Variants in CD4 observed in about 807,000 individuals in gnomAD.
CD4 encodes the protein T-cell surface glycoprotein CD4.
Under a neutral mutation model 50.5 loss-of-function variants are expected in CD4, and 25 were observed. That is an observed-to-expected ratio of 0.49 (90% CI 0.36 to 0.69). The LOEUF is 0.69. Among genes scored for constraint, CD4 ranks in the 30% least tolerant of loss-of-function variants. The pLI, the probability that CD4 is intolerant of heterozygous loss-of-function variation, is 0.00. For synonymous variants in CD4, 207 were observed against 221.9 expected, an observed-to-expected ratio of 0.93 and a Z score of 0.60; for missense variants, 456 against 548.5, an observed-to-expected ratio of 0.83 and a Z score of 1.68.
At position 6,818,744 on chromosome 12, in the gene CD4, T is replaced by C. The variant is rs1555118526; in HGVS notation, c.1279-103T>C. The C allele has an allele frequency of 8.1e-7, 1 of 1,227,250 alleles. No homozygotes were observed. The highest frequency in any genetic ancestry group is 1.2e-6 in the Non-Finnish European group (1 of 830,956). 76.0% of individuals were successfully genotyped at this position (1,227,250 alleles called of 1,614,324 possible). On this transcript the variant is annotated intron_variant, in intron 8 of 9. Transcript: ENST00000011653. The surrounding 1 kb of genome is among the most constrained non-coding windows in gnomAD (Gnocchi z 5.0). Reference sequence around the variant, plus strand: ...TCCAGGATAGATGGCCTGGGCCATGTAACTGCTTCTCCTGTCGCAGCTTCC... The same window carrying C: ...TCCAGGATAGATGGCCTGGGCCATGCAACTGCTTCTCCTGTCGCAGCTTCC...
At chr12:6,804,014 G>A (rs1942646728) in intron 3 of CD4, among the ~76,000 whole-genome samples, 1 of 151,516 alleles carries the variant, frequency 6.6e-6, no homozygotes, top group South Asian at 2.1e-4. Context: ...GGGAGGCTGA[G>A]GCAGGAGAAT....
intron 5 of CD4, 131 bp downstream of exon 5, chr12:6,815,123 A>T: frequency 1.5e-6 from 1 of 681,634 alleles, no homozygotes; most frequent in Non-Finnish European, 2.6e-6. Flanking sequence ...GGTCCCCTAG[A>T]GCTGAGGCCT....
At chr12:6,796,059 G>T (rs1033072112) in intron 1 of CD4, among the ~76,000 whole-genome samples, 1 of 152,190 alleles carries the variant, frequency 6.6e-6, no homozygotes, top group Non-Finnish European at 1.5e-5. Flanking sequence ...GGTGAATAGA[G>T]AAAGAAGAAA....
At chr12:6,805,709 A>G (rs977763292) in intron 3 of CD4, among the ~76,000 whole-genome samples, 1 of 152,212 alleles carries the variant, frequency 6.6e-6, no homozygotes, top group Non-Finnish European at 1.5e-5. Context: ...CATAAGAAAG[A>G]TATCAATTTT....
intron 4 of CD4, 71 bp downstream of exon 4, chr12:6,814,371 C>A (rs1555117546): frequency 4.0e-6 from 6 of 1,498,154 alleles, no homozygotes; most frequent in Non-Finnish European, 5.4e-6. Context: ...ACCCCTGCAC[C>A]AAATCCAGCC....
chr12:6,817,453 T>G lies in CD4; in HGVS notation c.1156+123T>G, dbSNP rs782519691. 4 of 808,264 alleles carry G rather than the reference T, an allele frequency of 4.9e-6. No homozygotes were observed. The Admixed American group carries it at 9.5e-5, about 19-fold the overall frequency. 50.1% of individuals were successfully genotyped at this position (808,264 alleles called of 1,614,324 possible). A position where few individuals can be genotyped will look rare whatever the true frequency, so the allele number is the denominator to read the frequency against. On this transcript the variant is annotated intron_variant, in intron 7 of 9. Transcript: ENST00000011653. ...TTGGGGGGTTATGGGTATGGTGTCC[T>G]CTGTGGTCCCAGGGTGCTTTGGAGG...
chr12:6,812,049 G>A (rs886732728), intron 3 of CD4, among the ~76,000 whole-genome samples: 8 of 151,968 alleles, frequency 5.3e-5, no homozygotes, highest in Non-Finnish European at 7.4e-5. Flanking sequence ...GACTCCTGAC[G>A]GGCTGCATTT....
rs143817492 is a variant in CD4 at position 6,794,599 on chromosome 12, C to T, written c.-68+4937C>T. On this transcript the variant is annotated intron_variant, in intron 1 of 9. Coordinates refer to ENST00000011653, the MANE Select transcript of CD4 (RefSeq NM_000616.5). ...GTTGGCCAGGCTGGTCTCGTACTCCCGACCTCAGGTGATCCACTTGCCTTG... is the reference window on the plus strand; with the variant it reads ...GTTGGCCAGGCTGGTCTCGTACTCCTGACCTCAGGTGATCCACTTGCCTTG... Among the ~76,000 whole-genome samples, 79 of 151,606 alleles carry T rather than the reference C, an allele frequency of 5.2e-4. 1 individual carries two copies. In the East Asian group the frequency reaches 0.014, roughly 26 times the overall value.
At chr12:6,817,720 GCA>G (rs1943119733) in intron 7 of CD4, among the ~76,000 whole-genome samples, 1 of 144,804 alleles carries the variant, frequency 6.9e-6, no homozygotes, top group Non-Finnish European at 1.5e-5. Flanking sequence ...TCTCACACAC[GCA>G]CACACATCAC....
chr12:6,794,826 C>T (rs1430279644), intron 1 of CD4, among the ~76,000 whole-genome samples: 6 of 121,532 alleles, frequency 4.9e-5, no homozygotes, highest in Admixed American at 9.0e-5. Context: ...GCTCTGTCGC[C>T]GAGGCTGGAG....
At chr12:6,805,390 C>T (rs1220000476) in intron 3 of CD4, among the ~76,000 whole-genome samples, 4 of 151,350 alleles carry the variant, frequency 2.6e-5, no homozygotes, top group Non-Finnish European at 5.9e-5. Flanking sequence ...TGGTGAAACC[C>T]CGTCTCTACT....
chr12:6,791,654 G>A (rs1216137947), intron 1 of CD4, among the ~76,000 whole-genome samples: 1 of 152,220 alleles, frequency 6.6e-6, no homozygotes. Context: ...GCCGAGGCAG[G>A]AGGATGGCTT....
chr12:6,805,615 C>T (rs1166226567), intron 3 of CD4, among the ~76,000 whole-genome samples: 3 of 150,820 alleles, frequency 2.0e-5, no homozygotes, highest in African/African-American at 4.9e-5. Flanking sequence ...AAAAACTACA[C>T]GATGCTGATT....
intron 1 of CD4, among the ~76,000 whole-genome samples, chr12:6,798,374 G>A (rs1437224951): frequency 2.2e-5 from 3 of 134,576 alleles, no homozygotes; most frequent in African/African-American, 5.5e-5. Flanking sequence ...GGGTTTCACC[G>A]TGTTCACCAG....
Position 6,794,667 on chromosome 12 carries a change from C to T in CD4, c.-68+5005C>T, listed in dbSNP as rs1036101190. On this transcript the variant is annotated intron_variant, in intron 1 of 9. Transcript: ENST00000011653. ...AATTACAGGTGTGAGCCACTGCATCCGGCCTTATATATCTATCTTGTCTGT... is the reference window on the plus strand; with the variant it reads ...AATTACAGGTGTGAGCCACTGCATCTGGCCTTATATATCTATCTTGTCTGT... Among the ~76,000 whole-genome samples the T allele has an allele frequency of 8.7e-5, 13 of 149,800 alleles. No individual in the cohort carries two copies. The South Asian group carries it at 2.1e-3, about 25-fold the overall frequency.
At chr12:6,795,195 ATCTG>A (rs903789772) in intron 1 of CD4, among the ~76,000 whole-genome samples, 2 of 151,676 alleles carry the variant, frequency 1.3e-5, no homozygotes, top group African/African-American at 4.9e-5. Context: ...CATCTATCTA[ATCTG>A]TCTGTATGTT....
At position 6,818,286 on chromosome 12, in the gene CD4, C is replaced by G; in HGVS notation, c.1157-135C>G. The G allele has an allele frequency of 9.1e-7, 1 of 1,104,642 alleles. No homozygotes were observed. Among genetic ancestry groups the G allele is most frequent in the Non-Finnish European group, 1.3e-6 (1 of 770,290 alleles). 68.4% of individuals were successfully genotyped at this position (1,104,642 alleles called of 1,614,324 possible). Reference sequence around the variant, plus strand: ...CCCCAGCACTGGCGGCCTTTGAGAGCCCCCAGGCACCCCTCCCCTCTCCCC... The same window carrying G: ...CCCCAGCACTGGCGGCCTTTGAGAGGCCCCAGGCACCCCTCCCCTCTCCCC... On this transcript the variant is annotated intron_variant, in intron 7 of 9. Coordinates refer to ENST00000011653, the MANE Select transcript of CD4 (RefSeq NM_000616.5). The surrounding 1 kb of genome is among the most constrained non-coding windows in gnomAD (Gnocchi z 5.0).
At chr12:6,808,895 G>C (rs368642841) in intron 3 of CD4, among the ~76,000 whole-genome samples, 2 of 151,964 alleles carry the variant, frequency 1.3e-5, no homozygotes, top group South Asian at 2.1e-4. Context: ...AAAACTTTTG[G>C]GGGGGGCAAT....
intron 1 of CD4, among the ~76,000 whole-genome samples, chr12:6,793,240 T>G (rs936244772): frequency 5.9e-5 from 9 of 152,126 alleles, no homozygotes; most frequent in African/African-American, 2.2e-4. Flanking sequence ...GGGAGGTGGC[T>G]GTCTGCACAT....
Sources: gnomAD v4.1 joint callset for allele counts (sites outside exome capture counted in the v4.1 genomes callset) on GRCh38, gnomAD v4.1.1 for gene constraint, Gnocchi (gnomAD v3.1) non-coding constraint, MANE v1.5 for transcripts, NCBI Gene and HGNC (gene_info 2026-07-23, HGNC 2026-07-21) for gene names.